The following GIT2 variants were observed in gnomAD, a reference collection of about 807,000 sequenced individuals.
GIT2 encodes the protein GIT ArfGAP 2, also known as ARF GTPase-activating protein GIT2.
GIT2 carries 32 observed loss-of-function variants against 100.3 expected under a neutral mutation model. The ratio of observed to expected loss-of-function variants is 0.32; its 90% CI spans 0.24 to 0.43. The LOEUF is 0.43. Ranked by LOEUF, GIT2 falls within the 20% of genes least tolerant of loss-of-function variation. The pLI, the probability that GIT2 is intolerant of heterozygous loss-of-function variation, is 1.00. For synonymous variants in GIT2, 353 were observed against 364.1 expected, an observed-to-expected ratio of 0.97 and a Z score of 0.35; for missense variants, 737 against 975.1, an observed-to-expected ratio of 0.76 and a Z score of 3.25.
At chr12:109,961,505 C>A (rs950769810) in intron 10 of GIT2, 108 bp downstream of exon 10, 1 of 932,610 alleles carries the variant, frequency 1.1e-6, no homozygotes, top group Non-Finnish European at 1.8e-6. Flanking sequence ...AACGTCGACA[C>A]TCGCACCATC....
At position 109,948,593 on chromosome 12, in the gene GIT2, T is replaced by G. The variant is rs1001598559; in HGVS notation, c.1393-1089A>C. 1 of 1,405,104 alleles carries G rather than the reference T, an allele frequency of 7.1e-7. No homozygotes were observed. The highest frequency in any genetic ancestry group is 1.5e-5 in the African/African-American group (1 of 68,696). The allele number at this position is 1,405,104 out of a possible 1,614,324, so 87.0% of individuals were successfully genotyped here. A position where few individuals can be genotyped will look rare whatever the true frequency, so the allele number is the denominator to read the frequency against. ...GTGCGCCTTCATCTTCCATGGACAT[T>G]CTATAAGCTGGGTGTGGTGTGAGTT... On this transcript the variant is annotated intron_variant, in intron 14 of 19. Transcript: ENST00000355312. The surrounding 1 kb of genome is among the most constrained non-coding windows in gnomAD (Gnocchi z 4.3).
At chr12:109,944,842 G>C (rs61940904) in intron 16 of GIT2, among the ~76,000 whole-genome samples, 2 of 149,012 alleles carry the variant, frequency 1.3e-5, no homozygotes, top group East Asian at 1.9e-4. Flanking sequence ...AAAAAAAAAG[G>C]CATGACATTT....
At chr12:109,959,561 A>AT (rs1880499348) in intron 12 of GIT2, among the ~76,000 whole-genome samples, 2 of 152,178 alleles carry the variant, frequency 1.3e-5, no homozygotes, top group Admixed American at 1.3e-4. Context: ...TAAACTATTT[A>AT]TCACAATATA....
chr12:109,964,073 A>T (rs1238883338), intron 9 of GIT2, among the ~76,000 whole-genome samples: 1 of 152,232 alleles, frequency 6.6e-6, no homozygotes, highest in East Asian at 1.9e-4. Context: ...CCAGTGAAGC[A>T]AATGTAGGAT....
Position 109,961,303 on chromosome 12 carries a change from G to A in GIT2, c.962C>T (p.Pro321Leu). The stretch of plus-strand genomic sequence containing the variant: ...CTGATTTCGTGTTGATGAGTACTCA[G>A]GATTGACCGGAAGAAAGGGGACGAC... ...TTVVPFLPVN[P>L]EYSSTRNQGR... The change falls in exon 11 of 20, where the codon CCT (proline) becomes CTT (leucine). Residue 321 changes from proline to leucine, a missense_variant. By Grantham distance (98) the Pro-to-Leu change is moderately conservative. Transcript: ENST00000355312. 1 of 1,612,038 alleles carries A rather than the reference G, an allele frequency of 6.2e-7. No homozygotes were observed. Among genetic ancestry groups the A allele is most frequent in the Non-Finnish European group, 8.5e-7 (1 of 1,178,122 alleles).
At chr12:109,987,263 A>T (rs1385269851) in intron 4 of GIT2, among the ~76,000 whole-genome samples, 1 of 151,714 alleles carries the variant, frequency 6.6e-6, no homozygotes, top group South Asian at 2.1e-4. Context: ...GGGCACCTGT[A>T]GTCCCAGCTA....
intron 16 of GIT2, chr12:109,939,601 T>G: frequency 6.4e-6 from 1 of 157,346 alleles, no homozygotes; most frequent in Non-Finnish European, 1.4e-5. Flanking sequence ...CTGTAATCCC[T>G]GTATTTTGGG....
In GIT2 at chr12:109,931,767, C is replaced by CT. The variant is rs1871668701; in HGVS notation, c.*1210dup. ...CTTTCACATTCAGAACAAGAAGGGGCTTTTGAGTAACTAAAAAACAATCTG... is the reference window on the plus strand; with the variant it reads ...CTTTCACATTCAGAACAAGAAGGGGCTTTTTGAGTAACTAAAAAACAATCTG... On this transcript the variant is annotated 3_prime_UTR_variant, in exon 20 of 20. Transcript: ENST00000355312. The CT allele has an allele frequency of 1.3e-5, 2 of 152,260 alleles. No homozygotes were observed. Among genetic ancestry groups the CT allele is most frequent in the Non-Finnish European group, 2.9e-5 (2 of 68,066 alleles). 9.4% of individuals were successfully genotyped at this position (152,260 alleles called of 1,614,324 possible).
Position 109,953,189 on chromosome 12 carries a change from A to T in GIT2, c.1145T>A (p.Val382Asp). Residue 382 changes from valine (V) to aspartate (D), a missense_variant, in exon 13 of 20, where the codon GTT (valine) becomes GAT (aspartate). By Grantham distance (152) the Val-to-Asp change is radical (BLOSUM62 -3). Coordinates refer to ENST00000355312, the MANE Select transcript of GIT2 (RefSeq NM_057169.5). ...GGGCTGATCGTTGTCTTGACTCTCA[A>T]CGCTGTGCTGGTTATTGATGGTTTT... ...ILKTINNQHS[V>D]ESQDNDQPDY... The T allele has an allele frequency of 6.2e-7, 1 of 1,613,908 alleles. No individual in the cohort carries two copies. The highest frequency in any genetic ancestry group is 2.2e-5 in the East Asian group (1 of 44,876).
rs1046536690 is a variant in GIT2, at chr12:109,933,137, G to T, written c.2121C>A (p.Ala707=). Residue 707 remains alanine, a synonymous_variant, in exon 20 of 20, where the codon GCC becomes GCA. Coordinates refer to ENST00000355312, the MANE Select transcript of GIT2 (RefSeq NM_057169.5). This position sits in a 1 kb window ranked among gnomAD's most constrained non-coding sequence, Gnocchi z 4.5. ...RTSLRLLTSS[A]YRLQSECKKT... ...TCTTGCACTCTGACTGCAGTCGGTAGGCACTGGACGTCAGTAAACGAAGGG... is the reference window on the plus strand; with the variant it reads ...TCTTGCACTCTGACTGCAGTCGGTATGCACTGGACGTCAGTAAACGAAGGG... The T allele has an allele frequency of 1.1e-5, 18 of 1,602,966 alleles. No individual in the cohort carries two copies. Among genetic ancestry groups the T allele is most frequent in the Non-Finnish European group, 1.5e-5 (18 of 1,174,416 alleles).
At chr12:109,951,552 CTGACAA>C (rs1305727972) in intron 13 of GIT2, among the ~76,000 whole-genome samples, 2 of 152,206 alleles carry the variant, frequency 1.3e-5, no homozygotes, top group Non-Finnish European at 2.9e-5. Flanking sequence ...CACATCTATG[CTGACAA>C]TGACTGTCTA....
intron 1 of GIT2, among the ~76,000 whole-genome samples, chr12:109,994,361 G>GT (rs1418677145): frequency 2.0e-5 from 3 of 152,174 alleles, no homozygotes; most frequent in Non-Finnish European, 4.4e-5. Context: ...AAAAATGTTT[G>GT]TGACTCCCCC....
chr12:109,960,362 G>A (rs946704888), intron 11 of GIT2, among the ~76,000 whole-genome samples: 7 of 152,152 alleles, frequency 4.6e-5, no homozygotes, highest in Non-Finnish European at 7.3e-5. Context: ...AGTGGCTCAC[G>A]CCTGTAATCC....
At chr12:109,955,149 A>C (rs1879063840) in intron 12 of GIT2, among the ~76,000 whole-genome samples, 1 of 151,960 alleles carries the variant, frequency 6.6e-6, no homozygotes, top group Non-Finnish European at 1.5e-5. Flanking sequence ...TTTGAGACAG[A>C]GTCTCACTCT....
At chr12:109,995,451 A>G (rs1458167530) in intron 1 of GIT2, among the ~76,000 whole-genome samples, 1 of 152,258 alleles carries the variant, frequency 6.6e-6, no homozygotes, top group African/African-American at 2.4e-5. Context: ...TTCTACGAGT[A>G]TTCATTGAAT....
At chr12:109,987,690 ACTT>A (rs953758641) in intron 4 of GIT2, among the ~76,000 whole-genome samples, 6 of 152,068 alleles carry the variant, frequency 3.9e-5, no homozygotes, top group African/African-American at 1.4e-4. Context: ...CTGGTCTTGA[ACTT>A]CTGAGCCCAA....
At chr12:109,951,551 G>T (rs1016006510) in intron 13 of GIT2, among the ~76,000 whole-genome samples, 1 of 152,168 alleles carries the variant, frequency 6.6e-6, no homozygotes, top group Non-Finnish European at 1.5e-5. Context: ...ACACATCTAT[G>T]CTGACAATGA....
At chr12:109,976,276 CTAGA>C (rs1230238877) in intron 7 of GIT2, among the ~76,000 whole-genome samples, 1 of 150,656 alleles carries the variant, frequency 6.6e-6, no homozygotes, top group Non-Finnish European at 1.5e-5. Flanking sequence ...GAAAACCCTA[CTAGA>C]TAATTTTTTT....
rs1166288844 is a variant in GIT2 at position 109,933,870 on chromosome 12, G to A, written c.2067+152C>T. 6 of 624,974 alleles carry A rather than the reference G, an allele frequency of 9.6e-6. No individual in the cohort carries two copies. Among genetic ancestry groups the A allele is most frequent in the South Asian group, 9.0e-5 (5 of 55,362 alleles). 38.7% of individuals were successfully genotyped at this position (624,974 alleles called of 1,614,324 possible). On this transcript the variant is annotated intron_variant, in intron 19 of 19. Transcript: ENST00000355312. This position sits in a 1 kb window ranked among gnomAD's most constrained non-coding sequence, Gnocchi z 4.5. ...CCTGTCTCGGCCTCCCAAAGTGCTG[G>A]GGTTACAGGCGTGAGCCACCACACC...
Sources: allele counts gnomAD v4.1 joint callset (sites outside exome capture counted in the v4.1 genomes callset), GRCh38; gene constraint gnomAD v4.1.1; non-coding constraint Gnocchi (gnomAD v3.1); transcripts MANE v1.5; gene names NCBI Gene and HGNC (gene_info 2026-07-23, HGNC 2026-07-21).